The following TSHZ3 variants were observed in gnomAD, a reference collection of about 807,000 sequenced individuals.
The protein encoded by TSHZ3 is teashirt homolog 3.
A neutral mutation model predicts 64.5 loss-of-function variants in TSHZ3; 10 were observed. That is an observed-to-expected ratio of 0.16 (90% CI 0.10 to 0.26). The LOEUF (loss-of-function observed/expected upper bound fraction) is 0.26. Among genes scored for constraint, TSHZ3 ranks in the 10% least tolerant of loss-of-function variants. The pLI is 1.00. For missense variants in TSHZ3, 1,242 were observed against 1,421.7 expected (o/e 0.87, Z 2.03); for synonymous variants, 608 against 593.1 (o/e 1.03, Z -0.36).
chr19:31,227,329 C>A (rs1203175699), intron 4 of TSHZ3, among the ~76,000 whole-genome samples: 1 of 152,088 alleles, frequency 6.6e-6, no homozygotes, highest in Admixed American at 6.5e-5. Context: ...TACCCAGAAT[C>A]AGATTGGTAT....
At chr19:31,223,403 A>G (rs910935173) in intron 4 of TSHZ3, among the ~76,000 whole-genome samples, 1 of 146,836 alleles carries the variant, frequency 6.8e-6, no homozygotes, top group Non-Finnish European at 1.5e-5. Flanking sequence ...TGTGTGTGTG[A>G]CAGAGAGAGG....
At chr19:31,293,110 TACCCATCCATCCAAAA>T (rs1356854501) in intron 1 of TSHZ3, among the ~76,000 whole-genome samples, 1 of 148,550 alleles carries the variant, frequency 6.7e-6, no homozygotes, top group Non-Finnish European at 1.5e-5. Flanking sequence ...CCCAAAAACG[TACCCATCCATCCAAAA>T]ATCCATCCAT....
chr19:31,203,979 C>T (rs753164492), intron 5 of TSHZ3, among the ~76,000 whole-genome samples: 1 of 152,092 alleles, frequency 6.6e-6, no homozygotes, highest in Non-Finnish European at 1.5e-5. Flanking sequence ...AAACTTAAAT[C>T]ATGGCGGAAG....
intron 5 of TSHZ3, among the ~76,000 whole-genome samples, chr19:31,157,853 A>G (rs1180434947): frequency 6.6e-6 from 1 of 152,190 alleles, no homozygotes. Context: ...CAAGGGAGGT[A>G]GGCAGAGTCC....
At chr19:31,190,299 G>A (rs139501752) in intron 5 of TSHZ3, among the ~76,000 whole-genome samples, 1 of 152,104 alleles carries the variant, frequency 6.6e-6, no homozygotes, top group Admixed American at 6.6e-5. Flanking sequence ...AGACCTTGGA[G>A]GGGGGAAAGA....
At chr19:31,314,483 T>C (rs1219375700) in intron 1 of TSHZ3, among the ~76,000 whole-genome samples, 2 of 152,186 alleles carry the variant, frequency 1.3e-5, no homozygotes, top group Non-Finnish European at 2.9e-5. Flanking sequence ...TGCCCAACCT[T>C]CTCAGGGCCG....
intron 1 of TSHZ3, among the ~76,000 whole-genome samples, chr19:31,293,365 G>C (rs1261331506): frequency 6.6e-6 from 1 of 152,190 alleles, no homozygotes; most frequent in East Asian, 1.9e-4. Flanking sequence ...GATATTCAAA[G>C]CCCAGGTTAA....
At chr19:31,298,215 T>C (rs893467928) in intron 1 of TSHZ3, among the ~76,000 whole-genome samples, 3 of 152,084 alleles carry the variant, frequency 2.0e-5, no homozygotes, top group Non-Finnish European at 4.4e-5. Context: ...CCAAGAGCTT[T>C]GCTGTCCCCG....
intron 5 of TSHZ3, among the ~76,000 whole-genome samples, chr19:31,162,767 G>A (rs12975693): frequency 0.71 from 108,552 of 152,142 alleles, 38,765 homozygotes; most frequent in Non-Finnish European, 0.74. Context: ...ATGAGGTTAG[G>A]CAAGATTAAC....
At chr19:31,235,542 A>G (rs894715146) in intron 3 of TSHZ3, among the ~76,000 whole-genome samples, 2 of 149,038 alleles carry the variant, frequency 1.3e-5, no homozygotes, top group Non-Finnish European at 3.0e-5. Flanking sequence ...CAATGTGTGT[A>G]TGTGTGTGTG....
intron 1 of TSHZ3, among the ~76,000 whole-genome samples, chr19:31,296,721 C>G (rs1180934725): frequency 6.6e-6 from 1 of 152,186 alleles, no homozygotes; most frequent in African/African-American, 2.4e-5. Context: ...TGGGCACCGT[C>G]AGCCTAGAAG....
chr19:31,175,500 T>C (rs1282551650), intron 5 of TSHZ3, among the ~76,000 whole-genome samples: 1 of 152,232 alleles, frequency 6.6e-6, no homozygotes, highest in Non-Finnish European at 1.5e-5. Context: ...TGATAAACCT[T>C]CCTCTAGGGA....
chr19:31,211,926 G>A (rs910166639), intron 4 of TSHZ3, among the ~76,000 whole-genome samples: 1 of 152,182 alleles, frequency 6.6e-6, no homozygotes, highest in Admixed American at 6.5e-5. Flanking sequence ...GCGTGTTGAG[G>A]TTATATAAAG....
At chr19:31,255,169 A>T (rs1449981734) in intron 1 of TSHZ3, among the ~76,000 whole-genome samples, 1 of 152,146 alleles carries the variant, frequency 6.6e-6, no homozygotes, top group Non-Finnish European at 1.5e-5. Context: ...ATCAATGGGG[A>T]ATGCCAACCA....
intron 5 of TSHZ3, among the ~76,000 whole-genome samples, chr19:31,167,078 T>C (rs1974463780): frequency 6.6e-6 from 1 of 152,136 alleles, no homozygotes; most frequent in Non-Finnish European, 1.5e-5. Flanking sequence ...ACAGAAGTTA[T>C]GCTACAGGGC....
chr19:31,177,318 G>T (rs947640915), intron 5 of TSHZ3, among the ~76,000 whole-genome samples: 1 of 152,212 alleles, frequency 6.6e-6, no homozygotes, highest in Non-Finnish European at 1.5e-5. Flanking sequence ...GCCCCCAGAA[G>T]CTGCAGGAGA....
intron 5 of TSHZ3, among the ~76,000 whole-genome samples, chr19:31,175,380 C>T (rs775802767): frequency 5.3e-5 from 8 of 152,194 alleles, no homozygotes; most frequent in Admixed American, 1.3e-4. Context: ...AGAAATACCC[C>T]TATATAGGAC....
chr19:31,262,388 C>T (rs527795834), intron 1 of TSHZ3, among the ~76,000 whole-genome samples: 1 of 152,246 alleles, frequency 6.6e-6, no homozygotes, highest in African/African-American at 2.4e-5. Flanking sequence ...ATTTCACGAG[C>T]TGGGTAAATG....
chr19:31,188,410 G>T (rs1405148329), intron 5 of TSHZ3, among the ~76,000 whole-genome samples: 2 of 151,866 alleles, frequency 1.3e-5, no homozygotes, highest in South Asian at 4.1e-4. Flanking sequence ...GTACAGTTTA[G>T]CATGGATGTG....
Sources: gnomAD v4.1 joint callset for allele counts (sites outside exome capture counted in the v4.1 genomes callset) on GRCh38, gnomAD v4.1.1 for gene constraint, MANE v1.5 for transcripts, NCBI Gene and HGNC (gene_info 2026-07-23, HGNC 2026-07-21) for gene names.